Variants in NT5C2 observed in about 807,000 individuals in gnomAD.
NT5C2 encodes the protein 5'-nucleotidase, cytosolic II.
In NT5C2, 58 loss-of-function variants were observed where a neutral mutation model predicts 76.1. The observed-to-expected ratio is 0.76, with a 90% CI of 0.62 to 0.95. The LOEUF is 0.95. Ranked by LOEUF, NT5C2 falls within the 40% of genes least tolerant of loss-of-function variation. The probability of loss-of-function intolerance (pLI) is 0.00; values close to 1 mark genes in which losing one functional copy is unlikely to be tolerated. For synonymous variants in NT5C2, 229 were observed against 237.4 expected, an observed-to-expected ratio of 0.96 and a Z score of 0.32; for missense variants, 478 against 690.3, an observed-to-expected ratio of 0.69 and a Z score of 3.45.
At chr10:103,128,963 C>A (rs1398089751) in intron 4 of NT5C2, among the ~76,000 whole-genome samples, 3 of 108,970 alleles carry the variant, frequency 2.8e-5, no homozygotes, top group Admixed American at 2.6e-4. Flanking sequence ...CCACCCCGTC[C>A]GGGAGGGAGG....
At position 103,105,787 on chromosome 10, in the gene NT5C2, T is replaced by C. The variant is rs773870376; in HGVS notation, c.308A>G (p.Asp103Gly). 1 of 1,612,250 alleles carries C rather than the reference T, an allele frequency of 6.2e-7. No homozygotes were observed. The highest frequency in any genetic ancestry group is 1.3e-5 in the African/African-American group (1 of 74,966). The change falls in exon 6 of 19, where the codon GAC becomes GGC. Residue 103 changes from aspartate (D) to glycine (G), a missense_variant. Asp to Gly is a moderately conservative substitution (Grantham distance 94, BLOSUM62 -1). Coordinates refer to ENST00000404739, the MANE Select transcript of NT5C2 (RefSeq NM_001351169.2). ...TTTCAAAAGATTTCCATACAGTGTG[T>C]CAAAGACAAGTCCCCTATGTGAAAA... is the stretch of plus-strand genomic sequence containing the variant. ...STFPTRGLVFDTLYGNLLKVD... is the reference protein window; with the variant it reads ...STFPTRGLVFGTLYGNLLKVD...
chr10:103,181,927 T>A (rs1471922680), intron 1 of NT5C2, among the ~76,000 whole-genome samples: 2 of 149,948 alleles, frequency 1.3e-5, no homozygotes, highest in African/African-American at 4.9e-5. Context: ...GAATTGCTTC[T>A]CCCACCCGGG....
At chr10:103,164,458 A>G (rs1186374904) in intron 3 of NT5C2, among the ~76,000 whole-genome samples, 4 of 151,984 alleles carry the variant, frequency 2.6e-5, no homozygotes, top group African/African-American at 9.7e-5. Flanking sequence ...GGGTTTCACC[A>G]TGTTGGCCAG....
intron 1 of NT5C2, among the ~76,000 whole-genome samples, chr10:103,183,762 C>A (rs1013057695): frequency 2.6e-5 from 4 of 151,610 alleles, no homozygotes; most frequent in African/African-American, 7.3e-5. Flanking sequence ...CACTAAAAAG[C>A]CAGACCACTG....
chr10:103,100,095 G>A (rs765154989), intron 8 of NT5C2, 76 bp from the exon 9 acceptor site: 504 of 927,744 alleles, frequency 5.4e-4, no homozygotes, highest in Non-Finnish European at 8.1e-4. Flanking sequence ...ATTTCCCAGG[G>A]GACCCAAAGG....
intron 2 of NT5C2, among the ~76,000 whole-genome samples, chr10:103,175,389 G>C (rs2089585816): frequency 6.6e-6 from 1 of 152,156 alleles, no homozygotes; most frequent in Non-Finnish European, 1.5e-5. Flanking sequence ...GTGTGGAGTA[G>C]AACAGTAGCA....
At chr10:103,101,695 A>G (rs1449569700) in intron 6 of NT5C2, among the ~76,000 whole-genome samples, 2 of 151,786 alleles carry the variant, frequency 1.3e-5, no homozygotes, top group Admixed American at 6.6e-5. Flanking sequence ...GGTGGGTCAC[A>G]TACACATATA....
chr10:103,123,230 C>T (rs1316266418), intron 4 of NT5C2, among the ~76,000 whole-genome samples: 1 of 152,262 alleles, frequency 6.6e-6, no homozygotes, highest in South Asian at 2.1e-4. Flanking sequence ...TAACACCATC[C>T]TCCTCCCTCT....
At chr10:103,152,235 C>T (rs2082535355) in intron 3 of NT5C2, among the ~76,000 whole-genome samples, 1 of 152,110 alleles carries the variant, frequency 6.6e-6, no homozygotes, top group Non-Finnish European at 1.5e-5. Flanking sequence ...AATATACCAA[C>T]CTAAAAAGGC....
At chr10:103,102,126 T>C (rs2135122283) in intron 6 of NT5C2, among the ~76,000 whole-genome samples, 1 of 152,286 alleles carries the variant, frequency 6.6e-6, no homozygotes, top group South Asian at 2.1e-4. Flanking sequence ...ACTCCAACAA[T>C]GGCCACAAAT....
chr10:103,192,803 A>T (rs1255559327), intron 1 of NT5C2, among the ~76,000 whole-genome samples: 2 of 152,162 alleles, frequency 1.3e-5, no homozygotes, highest in East Asian at 3.9e-4. Flanking sequence ...GGCCGGGAAC[A>T]GCCTGGAATC....
intron 15 of NT5C2, 95 bp from the exon 16 acceptor site, chr10:103,091,710 G>T (rs765332610): frequency 7.1e-5 from 71 of 1,006,718 alleles, no homozygotes; most frequent in Non-Finnish European, 8.4e-5. Flanking sequence ...GATGTGACTG[G>T]AAAGTAGAAC....
chr10:103,168,887 C>T (rs187689681), intron 3 of NT5C2, among the ~76,000 whole-genome samples: 17 of 152,252 alleles, frequency 1.1e-4, no homozygotes, highest in Non-Finnish European at 1.9e-4. Context: ...TCAGCATAGC[C>T]TAACTTAACC....
intron 4 of NT5C2, among the ~76,000 whole-genome samples, chr10:103,136,095 A>T (rs890988164): frequency 1.2e-4 from 19 of 152,262 alleles, no homozygotes; most frequent in African/African-American, 4.6e-4. Flanking sequence ...TCCAAAAAAA[A>T]AACCCTCTTT....
chr10:103,098,726 T>C, intron 10 of NT5C2: 1 of 511,138 alleles, frequency 2.0e-6, no homozygotes, highest in South Asian at 2.8e-5. Context: ...AATGAAATAC[T>C]GAGTCTTCTT....
intron 3 of NT5C2, among the ~76,000 whole-genome samples, chr10:103,158,753 G>A (rs1372173891): frequency 2.0e-5 from 3 of 151,460 alleles, no homozygotes; most frequent in African/African-American, 7.3e-5. Flanking sequence ...AGGAGGCGGA[G>A]GTTGCTGTGA....
At chr10:103,105,992 C>A (rs1229991682) in intron 5 of NT5C2, among the ~76,000 whole-genome samples, 191 bp from the exon 6 acceptor site, 2 of 152,078 alleles carry the variant, frequency 1.3e-5, no homozygotes, top group Non-Finnish European at 2.9e-5. Flanking sequence ...ATATTGACTC[C>A]GTCCAGACAG....
At chr10:103,168,911 C>T (rs1386099356) in intron 3 of NT5C2, among the ~76,000 whole-genome samples, 1 of 152,094 alleles carries the variant, frequency 6.6e-6, no homozygotes, top group Non-Finnish European at 1.5e-5. Context: ...GATAAATTAC[C>T]AATCCAAATA....
chr10:103,129,475 G>A (rs1591224344), intron 4 of NT5C2, among the ~76,000 whole-genome samples: 1 of 108,220 alleles, frequency 9.2e-6, no homozygotes, highest in Non-Finnish European at 2.0e-5. Context: ...GGAGGGAGAT[G>A]GGGGGGTCAG....
Sources: allele counts gnomAD v4.1 joint callset (sites outside exome capture counted in the v4.1 genomes callset), GRCh38; gene constraint gnomAD v4.1.1; transcripts MANE v1.5; gene names NCBI Gene and HGNC (gene_info 2026-07-23, HGNC 2026-07-21).